The following PTPRN2 variants were observed in gnomAD, a reference collection of about 807,000 sequenced individuals.
PTPRN2 encodes the protein protein tyrosine phosphatase receptor type N2, also known as receptor-type tyrosine-protein phosphatase N2.
Under a neutral mutation model 118.8 loss-of-function variants are expected in PTPRN2, and 74 were observed. The ratio of observed to expected loss-of-function variants is 0.62; its 90% CI spans 0.52 to 0.76. PTPRN2 has a LOEUF of 0.76. Among genes scored for constraint, PTPRN2 ranks in the 30% least tolerant of loss-of-function variants. PTPRN2 has a pLI of 0.00. For synonymous variants in PTPRN2, 641 were observed against 608.0 expected, an observed-to-expected ratio of 1.05 and a Z score of -0.80; for missense variants, 1,481 against 1,394.4, an observed-to-expected ratio of 1.06 and a Z score of -0.99.
chr7:158,485,871 C>T (rs926697354), intron 2 of PTPRN2, among the ~76,000 whole-genome samples: 3 of 152,200 alleles, frequency 2.0e-5, no homozygotes, highest in Non-Finnish European at 4.4e-5. Flanking sequence ...CGGCTGTCAT[C>T]GTATTAGATG....
chr7:158,284,323 A>G (rs1418869411), intron 3 of PTPRN2, among the ~76,000 whole-genome samples: 1 of 151,078 alleles, frequency 6.6e-6, no homozygotes, highest in East Asian at 2.0e-4. Flanking sequence ...TGGGCTGGGC[A>G]CTCTCCAAGT....
chr7:158,262,756 C>T (rs1797556846), intron 3 of PTPRN2, among the ~76,000 whole-genome samples: 1 of 148,818 alleles, frequency 6.7e-6, no homozygotes, highest in African/African-American at 2.5e-5. Context: ...CATATACACA[C>T]ACTGCACACA....
intron 12 of PTPRN2, among the ~76,000 whole-genome samples, chr7:157,707,844 C>T (rs865841763): frequency 2.3e-4 from 35 of 152,182 alleles, no homozygotes; most frequent in Middle Eastern, 6.8e-3. Flanking sequence ...CTCGCCTTGG[C>T]CCCCAAAGTG....
In PTPRN2 at chr7:158,525,330, G is replaced by A. The variant is rs1276627167; in HGVS notation, c.113-35545C>T. ...AATGTGCAACAAAACCGTGAGACCC[G>A]AGCAGAAGCTGCAGCAGAAGGTAGC... On this transcript the variant is annotated intron_variant, in intron 1 of 22. Coordinates refer to ENST00000389418, the MANE Select transcript of PTPRN2 (RefSeq NM_002847.5). This position sits in a 1 kb window ranked among gnomAD's most constrained non-coding sequence, Gnocchi z 4.1. Among the ~76,000 whole-genome samples the A allele has an allele frequency of 1.3e-5, 2 of 152,218 alleles. No individual in the cohort carries two copies. Among genetic ancestry groups the A allele is most frequent in the African/African-American group, 2.4e-5 (1 of 41,456 alleles).
intron 2 of PTPRN2, among the ~76,000 whole-genome samples, chr7:158,448,080 C>T (rs1216208999): frequency 3.9e-5 from 6 of 152,202 alleles, no homozygotes; most frequent in Non-Finnish European, 8.8e-5. Context: ...GCGTGCCCCA[C>T]TCCAGCCACT....
intron 11 of PTPRN2, among the ~76,000 whole-genome samples, chr7:158,026,115 C>A (rs774098835): frequency 2.0e-5 from 3 of 152,208 alleles, no homozygotes; most frequent in Non-Finnish European, 2.9e-5. Flanking sequence ...AGATGGAAAC[C>A]GGGGTCGGCG....
intron 9 of PTPRN2, among the ~76,000 whole-genome samples, chr7:158,131,548 TACAA>T (rs1035149423): frequency 2.5e-5 from 3 of 118,176 alleles, no homozygotes; most frequent in Non-Finnish European, 5.2e-5. Context: ...CACGGGTACA[TACAA>T]ACTGATACAC....
At chr7:158,274,195 C>T (rs1366370427) in intron 3 of PTPRN2, among the ~76,000 whole-genome samples, 3 of 128,042 alleles carry the variant, frequency 2.3e-5, no homozygotes, top group Admixed American at 8.4e-5. Context: ...CACGAGGAGC[C>T]GCAGACACAG....
intron 11 of PTPRN2, among the ~76,000 whole-genome samples, chr7:157,901,709 T>G (rs987062379): frequency 1.1e-5 from 1 of 93,186 alleles, no homozygotes; most frequent in Non-Finnish European, 2.3e-5. Flanking sequence ...AGTGGGGCCT[T>G]CCCGTCCGTG....
intron 2 of PTPRN2, among the ~76,000 whole-genome samples, chr7:158,477,646 A>G (rs1347239315): frequency 6.6e-6 from 1 of 152,202 alleles, no homozygotes; most frequent in Non-Finnish European, 1.5e-5. Context: ...CGAGAATTTG[A>G]TTTTAAAGAA....
chr7:157,569,529 T>G (rs547009640), intron 20 of PTPRN2, among the ~76,000 whole-genome samples: 4 of 152,350 alleles, frequency 2.6e-5, no homozygotes, highest in African/African-American at 9.6e-5. Flanking sequence ...TCTTACTCTT[T>G]AAAAAGCACT....
intron 11 of PTPRN2, among the ~76,000 whole-genome samples, chr7:158,065,644 T>A (rs1295941253): frequency 6.6e-6 from 1 of 152,170 alleles, no homozygotes; most frequent in Non-Finnish European, 1.5e-5. Context: ...GTTTTGTATT[T>A]CACAACCAGC....
intron 3 of PTPRN2, among the ~76,000 whole-genome samples, chr7:158,260,784 C>CT (rs1419508283): frequency 6.6e-6 from 1 of 152,170 alleles, no homozygotes; most frequent in African/African-American, 2.4e-5. Flanking sequence ...AAGGGGAAGA[C>CT]TGGCAGAGAC....
At chr7:158,072,159 C>CG (rs1004329772) in intron 11 of PTPRN2, among the ~76,000 whole-genome samples, 1 of 56,962 alleles carries the variant, frequency 1.8e-5, no homozygotes, top group African/African-American at 1.2e-4. Context: ...TTCAGTTGAA[C>CG]CTTTTGGTTC....
chr7:157,962,531 T>A (rs1801615770), intron 11 of PTPRN2, among the ~76,000 whole-genome samples: 1 of 152,248 alleles, frequency 6.6e-6, no homozygotes, highest in Non-Finnish European at 1.5e-5. Flanking sequence ...CACTATTTAA[T>A]ACACAGATTA....
At chr7:158,031,423 CTTAA>C (rs1030881965) in intron 11 of PTPRN2, among the ~76,000 whole-genome samples, 16 of 152,214 alleles carry the variant, frequency 1.1e-4, no homozygotes, top group African/African-American at 3.1e-4. Flanking sequence ...CAGAAATGCT[CTTAA>C]TTGTCATAAA....
intron 3 of PTPRN2, among the ~76,000 whole-genome samples, chr7:158,277,108 TGCACACACACACACACGTGCCC>T (rs535848641): frequency 0.012 from 1,784 of 152,222 alleles, 23 homozygotes; most frequent in Non-Finnish European, 0.015. Flanking sequence ...CTCACACACG[TGCACACACACACACACGTGCCC>T]GCACACGCAC....
At chr7:158,168,367 C>A (rs1823221943) in intron 5 of PTPRN2, among the ~76,000 whole-genome samples, 1 of 152,174 alleles carries the variant, frequency 6.6e-6, no homozygotes, top group Non-Finnish European at 1.5e-5. Context: ...CTCGGCGGTG[C>A]CTCCCTGGTG....
At chr7:158,103,899 G>C (rs1256409177) in intron 10 of PTPRN2, among the ~76,000 whole-genome samples, 1 of 150,878 alleles carries the variant, frequency 6.6e-6, no homozygotes, top group East Asian at 1.9e-4. Context: ...GTCTTGCTCT[G>C]TTGCCCAGGC....
Sources: gnomAD v4.1 joint callset for allele counts (sites outside exome capture counted in the v4.1 genomes callset) on GRCh38, gnomAD v4.1.1 for gene constraint, Gnocchi (gnomAD v3.1) non-coding constraint, MANE v1.5 for transcripts, NCBI Gene and HGNC (gene_info 2026-07-23, HGNC 2026-07-21) for gene names.